Variants in UBE4B observed in about 807,000 individuals in gnomAD.
UBE4B encodes the protein ubiquitin conjugation factor E4 B.
Under a neutral mutation model 148.1 loss-of-function variants are expected in UBE4B, and 27 were observed. The ratio of observed to expected loss-of-function variants is 0.18; its 90% CI spans 0.13 to 0.25. The LOEUF is 0.25. Among genes scored for constraint, UBE4B ranks in the 10% least tolerant of loss-of-function variants. The pLI, the probability that UBE4B is intolerant of heterozygous loss-of-function variation, is 1.00. For missense variants in UBE4B, 1,170 were observed against 1,662.4 expected (o/e 0.70, Z 5.15); for synonymous variants, 596 against 619.3 (o/e 0.96, Z 0.56).
intron 2 of UBE4B, among the ~76,000 whole-genome samples, chr1:10,076,713 A>G (rs1644589101): frequency 7.0e-6 from 1 of 142,040 alleles, no homozygotes; most frequent in African/African-American, 2.6e-5. Flanking sequence ...TTCCACTTCC[A>G]GTTGCTTCTC....
intron 12 of UBE4B, among the ~76,000 whole-genome samples, 197 bp downstream of exon 12, chr1:10,129,645 A>G (rs926580918): frequency 3.9e-5 from 6 of 151,976 alleles, no homozygotes; most frequent in African/African-American, 1.5e-4. Flanking sequence ...GTTCATTTCT[A>G]TGATTTTTTT....
At position 10,135,241 on chromosome 1, in the gene UBE4B, C is replaced by CT. The variant is rs1346285359; in HGVS notation, c.2224+56dup. ...AAAACACTGCCCTCTTGTCTGTGTG[C>CT]TAGTAGTTCCTCACAGATTGTTACC... On this transcript the variant is annotated intron_variant, in intron 16 of 27. Coordinates refer to ENST00000343090, the MANE Select transcript of UBE4B (RefSeq NM_001105562.3). 9 of 1,480,744 alleles carry CT rather than the reference C, an allele frequency of 6.1e-6. No homozygotes were observed. The Admixed American group carries it at 7.6e-5, about 12-fold the overall frequency. The allele number at this position is 1,480,744 out of a possible 1,614,324, so 91.7% of individuals were successfully genotyped here.
At chr1:10,042,215 C>T (rs956334037) in intron 1 of UBE4B, among the ~76,000 whole-genome samples, 3 of 152,078 alleles carry the variant, frequency 2.0e-5, no homozygotes, top group Non-Finnish European at 2.9e-5. Flanking sequence ...TGCATTTTCT[C>T]ACACGGCACT....
At chr1:10,105,799 G>T in intron 6 of UBE4B, 55 bp downstream of exon 6, 1 of 1,520,602 alleles carries the variant, frequency 6.6e-7, no homozygotes, top group East Asian at 2.3e-5. Context: ...TGTGAACTAC[G>T]TAGGAGAAGG....
chr1:10,165,881 C>T (rs1175516504), intron 23 of UBE4B, among the ~76,000 whole-genome samples: 1 of 152,156 alleles, frequency 6.6e-6, no homozygotes, highest in Non-Finnish European at 1.5e-5. Flanking sequence ...GCAGATCCTC[C>T]CTAACGGAAT....
At chr1:10,107,298 G>A (rs1645130341) in intron 7 of UBE4B, 7 of 1,289,416 alleles carry the variant, frequency 5.4e-6, no homozygotes. Flanking sequence ...TGAAGAAGAA[G>A]ATGATGATGA....
intron 2 of UBE4B, among the ~76,000 whole-genome samples, chr1:10,076,677 A>G (rs893209065): frequency 3.3e-5 from 5 of 151,256 alleles, no homozygotes; most frequent in Non-Finnish European, 7.4e-5. Flanking sequence ...TAACTAAAGC[A>G]AGGATTGAGA....
Position 10,135,129 on chromosome 1 carries a change from G to C in UBE4B, c.2167G>C (p.Asp723His). 4 of 1,614,032 alleles carry C rather than the reference G, an allele frequency of 2.5e-6. No individual in the cohort carries two copies. The highest frequency in any genetic ancestry group is 3.4e-6 in the Non-Finnish European group (4 of 1,179,986). Residue 723 changes from aspartate (D) to histidine (H), a missense_variant, in exon 16 of 28, where the codon GAT becomes CAT. Physicochemically the swap from Asp to His is moderately conservative, Grantham distance 81 (BLOSUM62 -1). Around this residue, in one of 6 missense-constraint regions of UBE4B, gnomAD observed 388 missense variants for 536.0 expected, o/e 0.72. Coordinates refer to ENST00000343090, the MANE Select transcript of UBE4B (RefSeq NM_001105562.3). ...HPRCRITLPNDETRVNATMED... is the reference protein window; with the variant it reads ...HPRCRITLPNHETRVNATMED... ...AAGATGTCGGATTACTCTTCCCAAT[G>C]ATGAGACGCGTGTGAATGCAACGAT...
intron 2 of UBE4B, among the ~76,000 whole-genome samples, chr1:10,080,391 G>A (rs1373066841): frequency 6.6e-6 from 1 of 151,178 alleles, no homozygotes; most frequent in African/African-American, 2.4e-5. Context: ...CTGCACTCCA[G>A]TGTGGTGAGA....
rs2101895506 is a variant in UBE4B, at chr1:10,106,495, C to T, written c.1108C>T (p.Gln370Ter). The T allele has an allele frequency of 6.2e-7, 1 of 1,613,502 alleles. No homozygotes were observed. Among genetic ancestry groups the T allele is most frequent in the Non-Finnish European group, 8.5e-7 (1 of 1,179,974 alleles). Residue 370 changes from glutamine to a stop codon, truncating the protein, a stop_gained, in exon 7 of 28, where the codon CAG (glutamine) becomes TAG (stop). Coordinates refer to ENST00000343090, the MANE Select transcript of UBE4B (RefSeq NM_001105562.3). LOFTEE classifies it high-confidence loss of function. The surrounding 1 kb of genome is among the most constrained non-coding windows in gnomAD (Gnocchi z 4.2). ...PQAVPASSSR[Q>*]RPSSTGPPLP... ...AGCAGTGCCCGCCAGCAGTTCCAGA[C>T]AGAGGCCCAGCAGCACGGGTCCACC...
At chr1:10,115,667 A>G (rs774787397) in intron 7 of UBE4B, among the ~76,000 whole-genome samples, 4 of 152,218 alleles carry the variant, frequency 2.6e-5, no homozygotes, top group Non-Finnish European at 5.9e-5. Flanking sequence ...AACGAGAGGG[A>G]TACATTCTGA....
Position 10,161,419 on chromosome 1 carries a change from A to G in UBE4B, c.3198+133A>G. ...ACATGCTGGGATTTTCCTTCCATGAAATCATATTGCAGGATTGGAATAGGA... is the reference window on the plus strand; with the variant it reads ...ACATGCTGGGATTTTCCTTCCATGAGATCATATTGCAGGATTGGAATAGGA... On this transcript the variant is annotated intron_variant, in intron 23 of 27. Coordinates refer to ENST00000343090, the MANE Select transcript of UBE4B (RefSeq NM_001105562.3). The surrounding 1 kb of genome is among the most constrained non-coding windows in gnomAD (Gnocchi z 4.1). 9.3e-7 allele frequency: 1 copy of G among 1,079,954 alleles called. No individual in the cohort carries two copies. The highest frequency in any genetic ancestry group is 1.3e-6 in the Non-Finnish European group (1 of 783,962). The allele number at this position is 1,079,954 out of a possible 1,614,324, so 66.9% of individuals were successfully genotyped here.
intron 1 of UBE4B, among the ~76,000 whole-genome samples, chr1:10,066,734 C>T (rs939970713): frequency 3.3e-5 from 5 of 151,914 alleles, no homozygotes; most frequent in African/African-American, 1.2e-4. Context: ...GGTGAAACCT[C>T]GACTCTACTA....
chr1:10,040,674 A>G (rs1570761672), intron 1 of UBE4B, among the ~76,000 whole-genome samples: 2 of 149,306 alleles, frequency 1.3e-5, no homozygotes, highest in East Asian at 2.0e-4. Context: ...CTGGAGTGCA[A>G]TGGCGCGATC....
At chr1:10,169,362 T>C (rs961807273) in intron 24 of UBE4B, among the ~76,000 whole-genome samples, 2 of 152,234 alleles carry the variant, frequency 1.3e-5, no homozygotes, top group African/African-American at 4.8e-5. Context: ...TGTGACTCTC[T>C]GTTATGTGAC....
intron 3 of UBE4B, among the ~76,000 whole-genome samples, chr1:10,097,038 C>CAAAA (rs1175237804): frequency 7.1e-6 from 1 of 141,108 alleles, no homozygotes; most frequent in African/African-American, 2.7e-5. Flanking sequence ...GACTCTGCAT[C>CAAAA]AAAAAAAAAA....
intron 17 of UBE4B, among the ~76,000 whole-genome samples, chr1:10,137,870 T>C (rs1246981437): frequency 1.3e-5 from 2 of 148,462 alleles, no homozygotes; most frequent in Non-Finnish European, 3.0e-5. Flanking sequence ...TGAGAGAAAC[T>C]GAATCATATT....
chr1:10,140,772 G>A (rs956650270), intron 17 of UBE4B, among the ~76,000 whole-genome samples: 11 of 152,100 alleles, frequency 7.2e-5, no homozygotes, highest in African/African-American at 2.7e-4. Context: ...ACATAGTTGG[G>A]GTGTGTATAT....
At chr1:10,123,842 C>T (rs530651477) in intron 10 of UBE4B, among the ~76,000 whole-genome samples, 3 of 152,278 alleles carry the variant, frequency 2.0e-5, no homozygotes, top group Admixed American at 6.5e-5. Flanking sequence ...GGCATGATCT[C>T]GGCTCACTGC....
Sources: gnomAD v4.1 joint callset for allele counts (sites outside exome capture counted in the v4.1 genomes callset) on GRCh38, gnomAD v4.1.1 for gene constraint, gnomAD v4.1.1 regional missense constraint, Gnocchi (gnomAD v3.1) non-coding constraint, MANE v1.5 for transcripts, NCBI Gene and HGNC (gene_info 2026-07-23, HGNC 2026-07-21) for gene names.